The following COL4A5 variants were observed in gnomAD, a reference collection of about 807,000 sequenced individuals.
The protein encoded by COL4A5 is collagen type IV alpha 5 chain, also known as collagen alpha-5(IV) chain.
Under a neutral mutation model 130.2 loss-of-function variants are expected in COL4A5, and 26 were observed. The observed-to-expected ratio is 0.20, with a 90% CI of 0.15 to 0.28. The LOEUF (loss-of-function observed/expected upper bound fraction) is 0.28. COL4A5 is among the 10% of genes least tolerant of loss of function. The pLI is 1.00. For synonymous variants in COL4A5, 496 were observed against 439.6 expected (o/e 1.13, Z -1.60); for missense variants, 1,131 against 1,344.3 (o/e 0.84, Z 2.48).
intron 1 of COL4A5, among the ~76,000 whole-genome samples, chrX:108,507,243 A>G (rs1238480681): frequency 5.0e-5 from 5 of 100,929 alleles, no homozygotes; most frequent in African/African-American, 1.8e-4. Flanking sequence ...CACAACAACA[A>G]CAACAAAAAA....
At chrX:108,442,576 ATAGT>A (rs1031560185) in intron 1 of COL4A5, among the ~76,000 whole-genome samples, 5 of 111,854 alleles carry the variant, frequency 4.5e-5, no homozygotes, top group South Asian at 3.7e-4. Context: ...TTTATTTTAC[ATAGT>A]TAGTAAGTTG....
chrX:108,554,319 A>G (rs915862282), intron 2 of COL4A5, among the ~76,000 whole-genome samples: 3 of 111,508 alleles, frequency 2.7e-5, no homozygotes, highest in Non-Finnish European at 5.6e-5. Context: ...GGAAGCGGGC[A>G]CCTTCTTCAC....
chrX:108,489,719 G>T (rs779961847), intron 1 of COL4A5, among the ~76,000 whole-genome samples: 12 of 111,595 alleles, frequency 1.1e-4, no homozygotes, highest in African/African-American at 3.6e-4. Context: ...AACCATCAGA[G>T]TCCTGCTTTA....
rs1489770280 is a variant in COL4A5, at chrX:108,692,493, G to A, written c.4529-255G>A. ...CATAAGACACCATTGTTTATAAGAT[G>A]CATCACTAGTTTAAAAACAGCATTA... On this transcript the variant is annotated intron_variant, in intron 49 of 52. Transcript: ENST00000328300. Among the ~76,000 whole-genome samples, 39 of 111,704 alleles carry A rather than the reference G, an allele frequency of 3.5e-4. 1 individual carries two copies.
At chrX:108,460,922 TTTGC>T (rs1199634819) in intron 1 of COL4A5, among the ~76,000 whole-genome samples, 2 of 110,400 alleles carry the variant, frequency 1.8e-5, no homozygotes, top group African/African-American at 6.6e-5. Flanking sequence ...CTCAATTCTA[TTTGC>T]TTGCTTATCT....
intron 46 of COL4A5, 44 bp downstream of exon 46, chrX:108,681,000 C>A: frequency 9.1e-7 from 1 of 1,104,235 alleles, no homozygotes; most frequent in Non-Finnish European, 1.3e-6. Flanking sequence ...TACTTAGATG[C>A]TTTAAAGAAT....
chrX:108,480,711 G>A (rs766251712), intron 1 of COL4A5, among the ~76,000 whole-genome samples: 3 of 112,725 alleles, frequency 2.7e-5, no homozygotes, highest in South Asian at 7.4e-4. Context: ...AACACACCTG[G>A]TACAGCAGAT....
intron 17 of COL4A5, among the ~76,000 whole-genome samples, chrX:108,583,383 T>G (rs1008669383): frequency 9.0e-6 from 1 of 111,706 alleles, no homozygotes; most frequent in African/African-American, 3.3e-5. Flanking sequence ...TGTTGTTTTT[T>G]CCCCCCTACT....
intron 1 of COL4A5, among the ~76,000 whole-genome samples, chrX:108,450,826 TTTTTTTATTTTTA>T (rs1400780742): frequency 1.8e-5 from 2 of 109,952 alleles, no homozygotes; most frequent in African/African-American, 3.3e-5. Flanking sequence ...AAAAAGCTAG[TTTTTTTATTTTTA>T]TTTTTTATTT....
chrX:108,675,293 G>A (rs1336069190), intron 43 of COL4A5, among the ~76,000 whole-genome samples: 2 of 110,716 alleles, frequency 1.8e-5, no homozygotes, highest in African/African-American at 3.3e-5. Flanking sequence ...TTTTAATTTC[G>A]AAAAGTGCAG....
At chrX:108,546,996 A>C (rs2065669222) in intron 2 of COL4A5, among the ~76,000 whole-genome samples, 1 of 111,686 alleles carries the variant, frequency 9.0e-6, no homozygotes, top group African/African-American at 3.3e-5. Flanking sequence ...TGGTTATTCT[A>C]GTTAGCCATT....
chrX:108,452,594 A>G (rs938843512), intron 1 of COL4A5, among the ~76,000 whole-genome samples: 3 of 111,892 alleles, frequency 2.7e-5, no homozygotes, highest in Non-Finnish European at 3.8e-5. Context: ...GCAATTGTGA[A>G]TGGGAGTTCC....
chrX:108,602,846 T>C, intron 27 of COL4A5, 118 bp from the exon 28 acceptor site: 1 of 531,875 alleles, frequency 1.9e-6, no homozygotes, highest in Non-Finnish European at 3.3e-6. Flanking sequence ...AATGTCATTG[T>C]GCTTTTGACA....
chrX:108,578,510 C>T (rs374957497), intron 13 of COL4A5, 127 bp downstream of exon 13: 3 of 527,354 alleles, frequency 5.7e-6, no homozygotes, highest in East Asian at 3.5e-5. Flanking sequence ...TAGATATATA[C>T]AGTTTTTAAT....
At chrX:108,554,792 G>T (rs1025385371) in intron 2 of COL4A5, among the ~76,000 whole-genome samples, 1 of 111,200 alleles carries the variant, frequency 9.0e-6, no homozygotes, top group African/African-American at 3.3e-5. Context: ...AGCCCAGGAG[G>T]TATAGGCTGC....
At chrX:108,498,244 T>C (rs1882281514) in intron 1 of COL4A5, among the ~76,000 whole-genome samples, 1 of 111,561 alleles carries the variant, frequency 9.0e-6, no homozygotes, top group Non-Finnish European at 1.9e-5. Context: ...CAAAATTTAT[T>C]GGAGAGATTT....
intron 10 of COL4A5, 33 bp from the exon 11 acceptor site, chrX:108,577,919 C>T (rs760548913): frequency 8.0e-6 from 9 of 1,124,696 alleles, no homozygotes; most frequent in South Asian, 3.9e-5. Flanking sequence ...ATTAATATAA[C>T]ATTTTATTTT....
chrX:108,570,117 T>G (rs1426526260), intron 6 of COL4A5, among the ~76,000 whole-genome samples: 1 of 111,908 alleles, frequency 8.9e-6, no homozygotes, highest in Non-Finnish European at 1.9e-5. Flanking sequence ...TACAGTTCTT[T>G]TCATCTCCAG....
chrX:108,607,397 A>G (rs1163162974), intron 29 of COL4A5, among the ~76,000 whole-genome samples: 1 of 108,249 alleles, frequency 9.2e-6, no homozygotes, highest in African/African-American at 3.4e-5. Flanking sequence ...AGTAACACTG[A>G]GAAGTCTTCC....
Sources: gnomAD v4.1 joint callset for allele counts (sites outside exome capture counted in the v4.1 genomes callset) on GRCh38, gnomAD v4.1.1 for gene constraint, MANE v1.5 for transcripts, NCBI Gene and HGNC (gene_info 2026-07-23, HGNC 2026-07-21) for gene names.